PCDH15: variants seen among roughly 807,000 people sequenced by gnomAD.
The protein encoded by PCDH15 is protocadherin related 15, also known as protocadherin-15.
PCDH15 carries 129 observed loss-of-function variants against 178.5 expected under a neutral mutation model. The ratio of observed to expected loss-of-function variants is 0.72; its 90% confidence interval spans 0.63 to 0.84. The LOEUF (loss-of-function observed/expected upper bound fraction) is 0.84. Among genes scored for constraint, PCDH15 ranks in the 40% least tolerant of loss-of-function variants. The pLI is 0.00. For missense variants in PCDH15, 2,230 were observed against 2,099.9 expected, an observed-to-expected ratio of 1.06 and a Z score of -1.21; for synonymous variants, 800 against 732.0, an observed-to-expected ratio of 1.09 and a Z score of -1.50.
rs190407474 is a variant in PCDH15 at position 54,971,434 on chromosome 10, C to T, written c.-79-73934G>A. 4.6e-3 allele frequency among the ~76,000 whole-genome samples: 700 copies of T among 152,258 alleles called. 3 individuals carry two copies. Among genetic ancestry groups the T allele is most frequent in the African/African-American group, 0.016 (679 of 41,540 alleles). ...TACAGCCTGGGCCCTTACTGGACAA[C>T]AAGCCTGCTAGCACCCTAATTTCAG... On this transcript the variant is annotated intron_variant, in intron 2 of 5. Transcript: ENST00000458638.
chr10:54,779,382 GTC>G (rs58210737), intron 1 of PCDH15, among the ~76,000 whole-genome samples: 1,634 of 112,570 alleles, frequency 0.015, 45 homozygotes, highest in African/African-American at 0.048. Context: ...ATATTTATCT[GTC>G]TCTCTCTCTC....
chr10:53,868,048 T>C (rs1308018045), intron 26 of PCDH15, among the ~76,000 whole-genome samples: 2 of 152,050 alleles, frequency 1.3e-5, no homozygotes, highest in Non-Finnish European at 2.9e-5. Flanking sequence ...GCTGGCTTTA[T>C]GGTGTCTAAT....
intron 2 of PCDH15, among the ~76,000 whole-genome samples, chr10:55,117,172 C>T (rs1468499372): frequency 6.6e-6 from 1 of 152,126 alleles, no homozygotes; most frequent in African/African-American, 2.4e-5. Flanking sequence ...TCACAGGTGT[C>T]TTAGCCAAGA....
chr10:53,833,940 G>C (rs1056974101), intron 29 of PCDH15, among the ~76,000 whole-genome samples: 5 of 151,970 alleles, frequency 3.3e-5, no homozygotes, highest in African/African-American at 4.8e-5. Flanking sequence ...GATTTTAGGA[G>C]ATAAAATTTA....
In PCDH15 at chr10:54,800,987, C is replaced by G. The variant is rs565302108; in HGVS notation, c.-91G>C. On this transcript the variant is annotated 5_prime_UTR_variant, in exon 1 of 38. Coordinates refer to ENST00000644397, the MANE Select transcript of PCDH15 (RefSeq NM_001384140.1). The stretch of plus-strand genomic sequence containing the variant: ...TATGCAGCAAGTTTTCTTGCCAAGG[C>G]TGCCTCTTGCACATCCCTTTAAAAA... 1 of 152,168 alleles carries G rather than the reference C, an allele frequency of 6.6e-6. No homozygotes were observed. The highest frequency in any genetic ancestry group is 2.4e-5 in the African/African-American group (1 of 41,438). 9.4% of individuals were successfully genotyped at this position (152,168 alleles called of 1,614,324 possible).
intron 2 of PCDH15, among the ~76,000 whole-genome samples, chr10:55,058,236 G>A (rs1841351788): frequency 6.6e-6 from 1 of 151,608 alleles, no homozygotes; most frequent in Admixed American, 6.6e-5. Flanking sequence ...TTTGAGACAG[G>A]GTCTTTCTCT....
At chr10:54,506,855 A>T (rs2081211310) in intron 3 of PCDH15, among the ~76,000 whole-genome samples, 1 of 152,074 alleles carries the variant, frequency 6.6e-6, no homozygotes, top group East Asian at 1.9e-4. Context: ...GTGTGAAGGT[A>T]CCAGGACAGA....
At chr10:54,812,042 T>C (rs1333114225) in intron 3 of PCDH15, among the ~76,000 whole-genome samples, 1 of 152,152 alleles carries the variant, frequency 6.6e-6, no homozygotes, top group Non-Finnish European at 1.5e-5. Context: ...TGCATCTCCA[T>C]AATTCTTAAT....
chr10:54,081,257 G>A (rs569066766), intron 16 of PCDH15, among the ~76,000 whole-genome samples: 57 of 151,844 alleles, frequency 3.8e-4, no homozygotes, highest in African/African-American at 1.4e-3. Flanking sequence ...TTGAGACAAG[G>A]AATGGTTTCT....
intron 13 of PCDH15, among the ~76,000 whole-genome samples, chr10:54,173,634 C>T (rs1385138888): frequency 6.6e-6 from 1 of 151,882 alleles, no homozygotes; most frequent in African/African-American, 2.4e-5. Flanking sequence ...TCTTTTTATC[C>T]ATTTATTCAT....
At chr10:54,550,488 CTGTGTGTG>C (rs71010384) in intron 2 of PCDH15, among the ~76,000 whole-genome samples, 3 of 150,746 alleles carry the variant, frequency 2.0e-5, no homozygotes, top group Non-Finnish European at 4.4e-5. Flanking sequence ...GTGTATGTGT[CTGTGTGTG>C]TGTGTGTGTG....
chr10:55,457,765 T>C (rs953080810), intron 2 of PCDH15, among the ~76,000 whole-genome samples: 2 of 151,888 alleles, frequency 1.3e-5, no homozygotes, highest in Middle Eastern at 3.4e-3. Flanking sequence ...AGACTGCATA[T>C]GGCAGGTTAA....
chr10:54,607,009 A>G (rs2092770925), intron 2 of PCDH15: 2 of 152,122 alleles, frequency 1.3e-5, no homozygotes, highest in African/African-American at 2.4e-5. Flanking sequence ...AATACACATA[A>G]AAATATAGTG....
At position 54,049,390 on chromosome 10, in the gene PCDH15, A is replaced by G. The variant is rs540024464; in HGVS notation, c.2220+17367T>C. ...TCTTTGCCTGATTTCTCTAACTAAG[A>G]TTTCTGGTAATATGTTAAATAGGAG... On this transcript the variant is annotated intron_variant, in intron 18 of 37. Transcript: ENST00000644397. 5.3e-5 allele frequency among the ~76,000 whole-genome samples: 8 copies of G among 152,080 alleles called. 1 individual carries two copies. In the East Asian group the frequency reaches 1.4e-3, roughly 26 times the overall value.
intron 1 of PCDH15, among the ~76,000 whole-genome samples, chr10:55,217,434 T>C (rs1840737727): frequency 6.6e-6 from 1 of 151,946 alleles, no homozygotes; most frequent in Admixed American, 6.6e-5. Flanking sequence ...TTCGTATTTT[T>C]ATGTTTATAT....
intron 2 of PCDH15, among the ~76,000 whole-genome samples, chr10:55,025,044 C>T (rs1040925906): frequency 6.6e-6 from 1 of 152,034 alleles, no homozygotes; most frequent in Non-Finnish European, 1.5e-5. Context: ...AATCTAAATC[C>T]TTTAGGAGGC....
intron 3 of PCDH15, among the ~76,000 whole-genome samples, chr10:54,520,677 C>A (rs1044896364): frequency 2.4e-4 from 36 of 151,428 alleles, no homozygotes; most frequent in Admixed American, 1.1e-3. Context: ...GGATCTAGAA[C>A]TAGATATACC....
chr10:54,375,763 G>C (rs550007708), intron 4 of PCDH15, among the ~76,000 whole-genome samples: 87 of 137,414 alleles, frequency 6.3e-4, no homozygotes, highest in African/African-American at 2.3e-3. Context: ...TTGATATTCA[G>C]AGCATATATA....
chr10:53,805,444 G>GT lies in PCDH15; in HGVS notation c.*1134dup, dbSNP rs1165844562. The GT allele has an allele frequency of 6.6e-6, 1 of 151,950 alleles. No individual in the cohort carries two copies. The allele number at this position is 151,950 out of a possible 1,614,324, so 9.4% of individuals were successfully genotyped here. Reference sequence around the variant, plus strand: ...ATGAAACACTGTGCTTTGTTCAATGGTAAAAAATCAAGACCATGTTCTTTG... The same window carrying GT: ...ATGAAACACTGTGCTTTGTTCAATGGTTAAAAAATCAAGACCATGTTCTTTG... On this transcript the variant is annotated 3_prime_UTR_variant, in exon 38 of 38. Coordinates refer to ENST00000644397, the MANE Select transcript of PCDH15 (RefSeq NM_001384140.1).
Sources: gnomAD v4.1 joint callset for allele counts (sites outside exome capture counted in the v4.1 genomes callset) on GRCh38, gnomAD v4.1.1 for gene constraint, MANE v1.5 for transcripts, NCBI Gene and HGNC (gene_info 2026-07-23, HGNC 2026-07-21) for gene names.